Variants in KHDRBS1 observed in about 807,000 individuals in gnomAD.
The protein encoded by KHDRBS1 is KH RNA binding domain containing, signal transduction associated 1.
A neutral mutation model predicts 48.4 loss-of-function variants in KHDRBS1; 7 were observed. The ratio of observed to expected loss-of-function variants is 0.14; its 90% CI spans 0.08 to 0.27. The LOEUF is 0.27. Ranked by LOEUF, KHDRBS1 falls within the 10% of genes least tolerant of loss-of-function variation. KHDRBS1 has a pLI of 1.00. For synonymous variants in KHDRBS1, 241 were observed against 235.8 expected (o/e 1.02, Z -0.20); for missense variants, 458 against 601.2 (o/e 0.76, Z 2.49).
chr1:32,039,739 G>A (rs1490561980), intron 8 of KHDRBS1, among the ~76,000 whole-genome samples, 166 bp downstream of exon 8: 1 of 152,128 alleles, frequency 6.6e-6, no homozygotes, highest in Non-Finnish European at 1.5e-5. Flanking sequence ...CTTAAATTTT[G>A]CGGTACATGG....
intron 10 of KHDRBS1, among the ~76,000 whole-genome samples, chr1:32,051,433 G>A (rs1414868085): frequency 6.6e-6 from 1 of 152,222 alleles, no homozygotes; most frequent in Non-Finnish European, 1.5e-5. Flanking sequence ...ATCACTGAGA[G>A]TTTGTAAGTG....
At chr1:32,019,209 A>AT (rs1308191801) in intron 1 of KHDRBS1, among the ~76,000 whole-genome samples, 1 of 152,244 alleles carries the variant, frequency 6.6e-6, no homozygotes, top group East Asian at 1.9e-4. Flanking sequence ...TTCACAAAAC[A>AT]TTGCAACTTG....
chr1:32,016,327 T>A (rs1295158588), intron 1 of KHDRBS1, among the ~76,000 whole-genome samples: 1 of 152,010 alleles, frequency 6.6e-6, no homozygotes, highest in Non-Finnish European at 1.5e-5. Context: ...CTTATACAGA[T>A]GAGGAAACCA....
intron 10 of KHDRBS1, among the ~76,000 whole-genome samples, chr1:32,049,358 T>G (rs1053593439): frequency 6.6e-6 from 1 of 152,058 alleles, no homozygotes; most frequent in Admixed American, 6.6e-5. Flanking sequence ...CTCAGCTGAC[T>G]GGCCTCCTTT....
chr1:32,014,123 G>C lies in KHDRBS1; in HGVS notation c.128G>C (p.Arg43Pro). ...TPSRQPPLPH[R>P]SRGGGGGSRG... ...TCTCGGCAGCCGCCGCTGCCTCACC[G>C]GTCCCGGGGAGGCGGAGGGGGATCC... is the stretch of plus-strand genomic sequence containing the variant. Residue 43 changes from arginine to proline, a missense_variant, in exon 1 of 9, where the codon CGG becomes CCG. Around this residue, in one of 3 missense-constraint regions of KHDRBS1, gnomAD observed 213 missense variants for 215.6 expected, o/e 0.99. Coordinates refer to ENST00000327300, the MANE Select transcript of KHDRBS1 (RefSeq NM_006559.3). The C allele has an allele frequency of 1.5e-6, 2 of 1,378,590 alleles. No individual in the cohort carries two copies. The highest frequency in any genetic ancestry group is 1.9e-6 in the Non-Finnish European group (2 of 1,067,288). The allele number at this position is 1,378,590 out of a possible 1,614,324, so 85.4% of individuals were successfully genotyped here. A position where few individuals can be genotyped will look rare whatever the true frequency, so the allele number is the denominator to read the frequency against.
chr1:32,036,902 G>T lies in KHDRBS1; in HGVS notation c.772-8G>T, dbSNP rs1204045150. On this transcript the variant is annotated splice_polypyrimidine_tract_variant and splice_region_variant and intron_variant, in intron 4 of 8. Transcript: ENST00000327300. The stretch of plus-strand genomic sequence containing the variant: ...CCACACAATACTCCTTGTATCTTTC[G>T]TTCCCAGGATATGATGGATGATATC... 1 of 1,610,452 alleles carries T rather than the reference G, an allele frequency of 6.2e-7. No individual in the cohort carries two copies. Among genetic ancestry groups the T allele is most frequent in the East Asian group, 2.2e-5 (1 of 44,730 alleles).
At chr1:32,030,208 A>G in intron 1 of KHDRBS1, 90 bp from the exon 2 acceptor site, 1 of 1,032,688 alleles carries the variant, frequency 9.7e-7, no homozygotes, top group South Asian at 1.6e-5. Flanking sequence ...ATTTGGTTTC[A>G]CTATATGGTA....
In KHDRBS1 at chr1:32,014,082, G is replaced by A; in HGVS notation, c.87G>A (p.Ser29=). ...TGGACCCCTCCGGTGCCCACCCCTC[G>A]GTGCGTCAGACGCCGTCTCGGCAGC... ...GSMDPSGAHP[S]VRQTPSRQPP... Residue 29 remains serine, a synonymous_variant, in exon 1 of 9, where the codon TCG becomes TCA. Coordinates refer to ENST00000327300, the MANE Select transcript of KHDRBS1 (RefSeq NM_006559.3). 4.1e-6 allele frequency: 6 copies of A among 1,473,488 alleles called. No homozygotes were observed. The highest frequency in any genetic ancestry group is 5.4e-6 in the Non-Finnish European group (6 of 1,118,100). 91.3% of individuals were successfully genotyped at this position (1,473,488 alleles called of 1,614,324 possible).
intron 1 of KHDRBS1, among the ~76,000 whole-genome samples, chr1:32,021,119 A>G (rs1638848923): frequency 6.6e-6 from 1 of 152,034 alleles, no homozygotes; most frequent in Middle Eastern, 3.2e-3. Context: ...TTGCCTTAAA[A>G]TTAAAAAAAA....
At chr1:32,036,859 C>T (rs1639194210) in intron 4 of KHDRBS1, 51 bp from the exon 5 acceptor site, 1 of 1,548,676 alleles carries the variant, frequency 6.5e-7, no homozygotes, top group African/African-American at 1.4e-5. Flanking sequence ...GATGATTTCT[C>T]AGTAGAAAGT....
At chr1:32,015,748 A>G (rs867627145) in intron 1 of KHDRBS1, among the ~76,000 whole-genome samples, 1 of 152,172 alleles carries the variant, frequency 6.6e-6, no homozygotes, top group African/African-American at 2.4e-5. Flanking sequence ...TCTAGCATGG[A>G]TAAGTGTTAA....
intron 4 of KHDRBS1, among the ~76,000 whole-genome samples, chr1:32,035,123 CA>C (rs997474280): frequency 3.9e-4 from 59 of 152,156 alleles, no homozygotes; most frequent in African/African-American, 1.4e-3. Flanking sequence ...ATTCAATTTC[CA>C]AAGGACTGCA....
intron 10 of KHDRBS1, among the ~76,000 whole-genome samples, chr1:32,051,587 A>G (rs2124399275): frequency 6.6e-6 from 1 of 152,304 alleles, no homozygotes; most frequent in South Asian, 2.1e-4. Context: ...GTTCAGAGGC[A>G]GCGCTCCAGC....
intron 1 of KHDRBS1, 112 bp downstream of exon 1, chr1:32,014,489 C>G: frequency 9.3e-7 from 1 of 1,070,628 alleles, no homozygotes; most frequent in African/African-American, 1.6e-5. Context: ...GTCGGGAGTT[C>G]CGGTCTCATC....
At chr1:32,035,134 A>G (rs1639151666) in intron 4 of KHDRBS1, among the ~76,000 whole-genome samples, 1 of 152,160 alleles carries the variant, frequency 6.6e-6, no homozygotes, top group Non-Finnish European at 1.5e-5. Context: ...AAAGGACTGC[A>G]GAGGGAATGC....
chr1:32,023,842 T>C (rs1033227988), intron 1 of KHDRBS1, among the ~76,000 whole-genome samples: 3 of 152,160 alleles, frequency 2.0e-5, no homozygotes, highest in African/African-American at 7.2e-5. Flanking sequence ...CACATGCCAG[T>C]GTCTGAGGGT....
At chr1:32,044,541 G>T (rs187878672), downstream of KHDRBS1, among the ~76,000 whole-genome samples, 31 of 152,290 alleles carry the variant, frequency 2.0e-4, no homozygotes, top group Admixed American at 1.9e-3. Flanking sequence ...TAAACTGCTC[G>T]GGGGTGAAAA....
intron 10 of KHDRBS1, among the ~76,000 whole-genome samples, chr1:32,058,585 T>C (rs1029450729): frequency 1.2e-4 from 19 of 152,122 alleles, no homozygotes; most frequent in African/African-American, 4.3e-4. Context: ...TTAAACTTGC[T>C]GATGAGTGGA....
At chr1:32,016,380 G>A (rs1638741067) in intron 1 of KHDRBS1, among the ~76,000 whole-genome samples, 2 of 152,072 alleles carry the variant, frequency 1.3e-5, no homozygotes, top group South Asian at 2.1e-4. Flanking sequence ...AACAAAATTA[G>A]TAAGCATCGT....
Sources: gnomAD v4.1 joint callset for allele counts (sites outside exome capture counted in the v4.1 genomes callset) on GRCh38, gnomAD v4.1.1 for gene constraint, gnomAD v4.1.1 regional missense constraint, MANE v1.5 for transcripts, NCBI Gene and HGNC (gene_info 2026-07-23, HGNC 2026-07-21) for gene names.